ELP1: variants seen among roughly 807,000 people sequenced by gnomAD.
ELP1 encodes the protein elongator complex protein 1.
ELP1 carries 131 observed loss-of-function variants against 183.2 expected under a neutral mutation model. That is an observed-to-expected ratio of 0.72 (90% CI 0.62 to 0.83). ELP1 has a LOEUF of 0.83. ELP1 is among the 40% of genes least tolerant of loss of function. The pLI is 0.00. For synonymous variants in ELP1, 555 were observed against 569.0 expected, an observed-to-expected ratio of 0.98 and a Z score of 0.35; for missense variants, 1,550 against 1,594.9, an observed-to-expected ratio of 0.97 and a Z score of 0.48.
chr9:108,906,339 G>A lies in ELP1; in HGVS notation c.1607C>T (p.Ser536Phe). The change falls in exon 14 of 37, where the codon TCT becomes TTT. Residue 536 changes from serine (S) to phenylalanine (F), a missense_variant. Coordinates refer to ENST00000374647, the MANE Select transcript of ELP1 (RefSeq NM_003640.5). Reference protein sequence around the residue: ...SVIHHLTAASSEMDEEHGQLN... With the variant: ...SVIHHLTAASFEMDEEHGQLN... ...CTGTCCATGCTCTTCATCCATCTCAGAAGAAGCTGCAGTCAAATGGTGAAT... is the reference window on the plus strand; with the variant it reads ...CTGTCCATGCTCTTCATCCATCTCAAAAGAAGCTGCAGTCAAATGGTGAAT... The A allele has an allele frequency of 6.2e-7, 1 of 1,614,052 alleles. No individual in the cohort carries two copies. Among genetic ancestry groups the A allele is most frequent in the Non-Finnish European group, 8.5e-7 (1 of 1,179,924 alleles).
At position 108,877,947 on chromosome 9, in the gene ELP1, C is replaced by A. The variant is rs111634780; in HGVS notation, c.3855+48G>T. 4.9e-5 allele frequency: 79 copies of A among 1,597,228 alleles called. No homozygotes were observed. The African/African-American group carries it at 9.0e-4, about 18-fold the overall frequency. On this transcript the variant is annotated intron_variant, in intron 35 of 36. Transcript: ENST00000374647. The stretch of plus-strand genomic sequence containing the variant: ...CTTGGAGATTGTGTGAATACAATAA[C>A]CCATGAAAATGATGAAAAAAATGCA...
At position 108,911,150 on chromosome 9, in the gene ELP1, G is replaced by A. The variant is rs536685247; in HGVS notation, c.1220C>T (p.Thr407Ile). Residue 407 changes from threonine to isoleucine, a missense_variant, in exon 12 of 37, where the codon ACT becomes ATT. Thr to Ile is a moderately conservative substitution (Grantham distance 89, BLOSUM62 -1). Transcript: ENST00000374647. ...GGTGCACATGGGAGGCGGAACCACA[G>A]TCTGCCGGAAGACTGTCACCAACAC... Reference protein sequence around the residue: ...NRVLVTVFRQTVVPPPMCTYQ... With the variant: ...NRVLVTVFRQIVVPPPMCTYQ... 1 of 1,614,144 alleles carries A rather than the reference G, an allele frequency of 6.2e-7. No individual in the cohort carries two copies. The highest frequency in any genetic ancestry group is 2.2e-5 in the East Asian group (1 of 44,882).
Position 108,916,418 on chromosome 9 carries a change from G to A in ELP1, c.865-121C>T, listed in dbSNP as rs571001083. On this transcript the variant is annotated intron_variant, in intron 9 of 36. Transcript: ENST00000374647. ...CCACTACCTGAGCTCATCCCTAGCT[G>A]TAAATCACTAACCTACAGAGGCATT... is the stretch of plus-strand genomic sequence containing the variant. 1.5e-5 allele frequency: 12 copies of A among 790,522 alleles called. 1 individual carries two copies. The South Asian group carries it at 1.7e-4, about 11-fold the overall frequency. 49.0% of individuals were successfully genotyped at this position (790,522 alleles called of 1,614,324 possible). A position where few individuals can be genotyped will look rare whatever the true frequency, so the allele number is the denominator to read the frequency against.
chr9:108,889,333 T>C lies in ELP1; in HGVS notation c.3221A>G (p.Gln1074Arg), dbSNP rs759982706. ...TTAGAAGGGAGGAATTGAGTTTACC[T>C]GGGCACACTCTTCCAAAACCATGGC... ...DAAMVLEECA[Q>R]DYEEAVLLLL... is the part of the protein sequence containing the mutation. Residue 1074 changes from glutamine to arginine, a missense_variant and splice_region_variant, in exon 29 of 37, where the codon CAG becomes CGG. Coordinates refer to ENST00000374647, the MANE Select transcript of ELP1 (RefSeq NM_003640.5). The C allele has an allele frequency of 6.2e-7, 1 of 1,613,920 alleles. No individual in the cohort carries two copies. Among genetic ancestry groups the C allele is most frequent in the Non-Finnish European group, 8.5e-7 (1 of 1,179,792 alleles).
At chr9:108,884,493 T>C (rs558160411) in intron 29 of ELP1, among the ~76,000 whole-genome samples, 3 of 152,126 alleles carry the variant, frequency 2.0e-5, no homozygotes, top group African/African-American at 7.2e-5. Flanking sequence ...ACAGACCATA[T>C]TATAAATTAA....
chr9:108,897,172 A>C lies in ELP1; in HGVS notation c.2477T>G (p.Val826Gly). The change falls in exon 23 of 37, where the codon GTC becomes GGC. Residue 826 changes from valine (V) to glycine (G), a missense_variant. Coordinates refer to ENST00000374647, the MANE Select transcript of ELP1 (RefSeq NM_003640.5). ...CTTATGAGGATTTATGCTCTCCATG[A>C]CTGCTCTCATAGCATCGCAGACAAG... ...IDLVCDAMRA[V>G]MESINPHKYC... is the part of the protein sequence containing the mutation. The C allele has an allele frequency of 6.2e-7, 1 of 1,614,188 alleles. No individual in the cohort carries two copies. Among genetic ancestry groups the C allele is most frequent in the Non-Finnish European group, 8.5e-7 (1 of 1,180,040 alleles).
chr9:108,923,216 T>A (rs1211934537), intron 5 of ELP1, among the ~76,000 whole-genome samples: 1 of 151,838 alleles, frequency 6.6e-6, no homozygotes, highest in Non-Finnish European at 1.5e-5. Flanking sequence ...ACAAAAAGTA[T>A]ACAAAATAAG....
intron 36 of ELP1, among the ~76,000 whole-genome samples, chr9:108,874,021 C>T (rs1282023302): frequency 6.6e-6 from 1 of 152,186 alleles, no homozygotes; most frequent in African/African-American, 2.4e-5. Flanking sequence ...AGCTGTTCTT[C>T]CTGGTAGCAA....
chr9:108,912,314 C>A lies in ELP1; in HGVS notation c.1139G>T (p.Ser380Ile). Residue 380 changes from serine to isoleucine, a missense_variant, in exon 11 of 37, where the codon AGC becomes ATC. Coordinates refer to ENST00000374647, the MANE Select transcript of ELP1 (RefSeq NM_003640.5). ...AYDWHWTTDR[S>I]VGDNSSDLSN... ...CAAGTCACTTGAATTATCTCCCACGCTCCGGTCAGTCGTCCAGTGCCAATC... is the reference window on the plus strand; with the variant it reads ...CAAGTCACTTGAATTATCTCCCACGATCCGGTCAGTCGTCCAGTGCCAATC... The A allele has an allele frequency of 6.2e-7, 1 of 1,614,216 alleles. No individual in the cohort carries two copies. The highest frequency in any genetic ancestry group is 8.5e-7 in the Non-Finnish European group (1 of 1,180,042).
chr9:108,904,134 C>T (rs1259008994), intron 14 of ELP1, among the ~76,000 whole-genome samples: 1 of 152,116 alleles, frequency 6.6e-6, no homozygotes, highest in Non-Finnish European at 1.5e-5. Context: ...ATCTCTATCA[C>T]TATCATATCG....
chr9:108,876,344 C>A (rs1827705032), intron 35 of ELP1, among the ~76,000 whole-genome samples: 1 of 152,106 alleles, frequency 6.6e-6, no homozygotes, highest in South Asian at 2.1e-4. Context: ...CTAAGAAATA[C>A]CTATTATAAT....
chr9:108,921,258 C>A (rs1382410677), intron 6 of ELP1, among the ~76,000 whole-genome samples: 1 of 152,146 alleles, frequency 6.6e-6, no homozygotes, highest in Non-Finnish European at 1.5e-5. Context: ...GCAGTCACCC[C>A]TTCCCCACCC....
At position 108,912,459 on chromosome 9, in the gene ELP1, G is replaced by C. The variant is rs760519594; in HGVS notation, c.994C>G (p.Leu332Val). The change falls in exon 11 of 37, where the codon CTC (leucine) becomes GTC (valine). Residue 332 changes from leucine (L) to valine (V), a missense_variant. Physicochemically the swap from Leu to Val is conservative, Grantham distance 32. Coordinates refer to ENST00000374647, the MANE Select transcript of ELP1 (RefSeq NM_003640.5). ...LWTVGNYHWY[L>V]KQSLSFSTCG... ...GTGCTGAAGGATAAACTTTGCTTGAGATACCAGTGATAGTTTCCAACAGTC... is the reference window on the plus strand; with the variant it reads ...GTGCTGAAGGATAAACTTTGCTTGACATACCAGTGATAGTTTCCAACAGTC... The C allele has an allele frequency of 3.7e-6, 6 of 1,614,010 alleles. No individual in the cohort carries two copies. The South Asian group carries it at 6.6e-5, about 18-fold the overall frequency.
rs1827338966 is a variant in ELP1, at chr9:108,869,065, G to GA, written c.*49dup. 1 of 1,502,614 alleles carries GA rather than the reference G, an allele frequency of 6.7e-7. No homozygotes were observed. The highest frequency in any genetic ancestry group is 9.3e-7 in the Non-Finnish European group (1 of 1,078,106). 93.1% of individuals were successfully genotyped at this position (1,502,614 alleles called of 1,614,324 possible). A position where few individuals can be genotyped will look rare whatever the true frequency, so the allele number is the denominator to read the frequency against. On this transcript the variant is annotated 3_prime_UTR_variant, in exon 37 of 37. Transcript: ENST00000374647. Reference sequence around the variant, plus strand: ...AGAGCAAGGGGTGGTAGGACAACAGGAATGAGTGGAAATGGTCTTCTCTGT... The same window carrying GA: ...AGAGCAAGGGGTGGTAGGACAACAGGAAATGAGTGGAAATGGTCTTCTCTGT...
At chr9:108,872,587 G>C (rs1010041429) in intron 36 of ELP1, among the ~76,000 whole-genome samples, 1 of 151,594 alleles carries the variant, frequency 6.6e-6, no homozygotes, top group Admixed American at 6.6e-5. Context: ...GGTGGATCAC[G>C]AGGTCAGGAG....
At chr9:108,870,700 T>A (rs1030099144) in intron 36 of ELP1, among the ~76,000 whole-genome samples, 2 of 150,376 alleles carry the variant, frequency 1.3e-5, no homozygotes, top group Admixed American at 6.6e-5. Flanking sequence ...GTACCAATCC[T>A]TCCACAGTTT....
rs1259358697 is a variant in ELP1, at chr9:108,878,812, T to C, written c.3573-62A>G. The C allele has an allele frequency of 3.8e-6, 6 of 1,570,400 alleles. No individual in the cohort carries two copies. In the African/African-American group the frequency reaches 6.7e-5, roughly 18 times the overall value. On this transcript the variant is annotated intron_variant, in intron 33 of 36. Coordinates refer to ENST00000374647, the MANE Select transcript of ELP1 (RefSeq NM_003640.5). ...AGTAGCTAGGACTACAGGCATGTGC[T>C]ACCTTGCCTGGCTACTTTCTTGCAG...
At chr9:108,912,966 T>C (rs955640037) in intron 10 of ELP1, among the ~76,000 whole-genome samples, 4 of 151,878 alleles carry the variant, frequency 2.6e-5, no homozygotes, top group African/African-American at 7.3e-5. Flanking sequence ...TTCACCGTGT[T>C]AGCCAGGATG....
chr9:108,880,015 G>GC (rs1390906338), intron 32 of ELP1, 37 bp downstream of exon 32: 2 of 1,289,434 alleles, frequency 1.6e-6, no homozygotes, highest in Admixed American at 3.4e-5. Context: ...CAACCCCACT[G>GC]CCCCCGCACG....
Sources: allele counts gnomAD v4.1 joint callset (sites outside exome capture counted in the v4.1 genomes callset), GRCh38; gene constraint gnomAD v4.1.1; transcripts MANE v1.5; gene names NCBI Gene and HGNC (gene_info 2026-07-23, HGNC 2026-07-21).